The following FOCAD variants were observed in gnomAD, a reference collection of about 807,000 sequenced individuals.
FOCAD encodes the protein KIAA1797.
In FOCAD, 198 loss-of-function variants were observed where a neutral mutation model predicts 225.6. The observed-to-expected ratio is 0.88, with a 90% CI of 0.78 to 0.99. The LOEUF (loss-of-function observed/expected upper bound fraction) is 0.99, where lower values mean the gene tolerates loss of function less well. FOCAD is among the 50% of genes least tolerant of loss of function. The probability of loss-of-function intolerance (pLI) is 0.00; values close to 1 mark genes in which losing one functional copy is unlikely to be tolerated. For synonymous variants in FOCAD, 897 were observed against 755.0 expected (o/e 1.19, Z -3.08); for missense variants, 2,713 against 2,123.6 (o/e 1.28, Z -5.46).
chr9:20,703,516 A>T (rs1824141669), intron 1 of FOCAD, among the ~76,000 whole-genome samples: 1 of 152,134 alleles, frequency 6.6e-6, no homozygotes, highest in African/African-American at 2.4e-5. Context: ...TATTGTGAAT[A>T]GTGCTGCATT....
chr9:20,834,474 A>G (rs1030179690), intron 15 of FOCAD, among the ~76,000 whole-genome samples: 1 of 152,026 alleles, frequency 6.6e-6, no homozygotes, highest in Non-Finnish European at 1.5e-5. Context: ...AAAGAAAACA[A>G]CTCGAATAAC....
At chr9:20,882,706 T>A (rs543184571) in intron 20 of FOCAD, among the ~76,000 whole-genome samples, 2 of 152,192 alleles carry the variant, frequency 1.3e-5, no homozygotes, top group Non-Finnish European at 2.9e-5. Flanking sequence ...CCAGCAGACA[T>A]CTTGGCAATC....
At chr9:20,694,893 A>G (rs1823230194) in intron 1 of FOCAD, among the ~76,000 whole-genome samples, 1 of 152,218 alleles carries the variant, frequency 6.6e-6, no homozygotes, top group South Asian at 2.1e-4. Flanking sequence ...AGTTGGGCCA[A>G]GATTGTCTTA....
chr9:20,916,782 G>A (rs1833900769), intron 23 of FOCAD, 111 bp from the exon 24 acceptor site: 1 of 948,300 alleles, frequency 1.1e-6, no homozygotes, highest in Non-Finnish European at 1.6e-6. Context: ...TACCTGTATA[G>A]TTTTAAGATC....
At chr9:20,897,741 CTAT>C (rs1318164779) in intron 21 of FOCAD, among the ~76,000 whole-genome samples, 3 of 151,614 alleles carry the variant, frequency 2.0e-5, no homozygotes, top group African/African-American at 7.3e-5. Context: ...TACATGACTA[CTAT>C]TATTATTTTT....
At chr9:20,861,206 G>C (rs1013281734) in intron 15 of FOCAD, among the ~76,000 whole-genome samples, 1 of 152,082 alleles carries the variant, frequency 6.6e-6, no homozygotes, top group African/African-American at 2.4e-5. Flanking sequence ...ATAATTTAGA[G>C]TGATGTATCT....
At chr9:20,747,274 A>T (rs887220502) in intron 5 of FOCAD, among the ~76,000 whole-genome samples, 7 of 152,170 alleles carry the variant, frequency 4.6e-5, no homozygotes, top group African/African-American at 1.7e-4. Flanking sequence ...AAGGATATTA[A>T]GGAGATATAT....
chr9:20,857,798 T>A (rs1828347709), intron 15 of FOCAD, among the ~76,000 whole-genome samples: 1 of 149,204 alleles, frequency 6.7e-6, no homozygotes. Context: ...TTTTTTTTTA[T>A]CATGAAGTGA....
Position 20,976,552 on chromosome 9 carries a change from A to C in FOCAD, c.4261+4A>C. 6.2e-7 allele frequency: 1 copy of C among 1,612,372 alleles called. No homozygotes were observed. The highest frequency in any genetic ancestry group is 2.2e-5 in the East Asian group (1 of 44,830). On this transcript the variant is annotated splice_donor_region_variant and intron_variant, in intron 36 of 43. Coordinates refer to ENST00000338382, the MANE Select transcript of FOCAD (RefSeq NM_001375567.1). ...CCACTTATGAGGCTAAATTTTGGTA[A>C]ATATCATGTGTTTTTAAGTCTTCAG...
chr9:20,881,557 T>C (rs528508403), intron 19 of FOCAD, among the ~76,000 whole-genome samples: 2 of 152,186 alleles, frequency 1.3e-5, no homozygotes, highest in East Asian at 1.9e-4. Flanking sequence ...AGATAATAAG[T>C]AGATAAATAG....
chr9:20,961,735 A>G (rs781133057), intron 35 of FOCAD, among the ~76,000 whole-genome samples: 12 of 152,232 alleles, frequency 7.9e-5, no homozygotes, highest in Non-Finnish European at 1.2e-4. Flanking sequence ...CATTTGCCCA[A>G]TCCTCCTGGA....
chr9:20,772,849 A>G (rs1407426431), intron 8 of FOCAD, among the ~76,000 whole-genome samples: 6 of 151,928 alleles, frequency 3.9e-5, no homozygotes, highest in Non-Finnish European at 7.4e-5. Flanking sequence ...GGGACTCTAA[A>G]TAACATGTTT....
rs150291489 is a variant in FOCAD at position 20,911,790 on chromosome 9, A to G, written c.2719-1076A>G. Among the ~76,000 whole-genome samples, 213 of 152,266 alleles carry G rather than the reference A, an allele frequency of 1.4e-3. No individual in the cohort carries two copies. The Middle Eastern group carries it at 0.017, about 12-fold the overall frequency. On this transcript the variant is annotated intron_variant, in intron 22 of 43. Transcript: ENST00000338382. ...CTGAGCCCATGTCCTTAACTCTTCA[A>G]TGTGTATCACTTTTCTAAGTATGGA...
rs918145671 is a variant in FOCAD at position 20,789,391 on chromosome 9, G to A, written c.1238G>A (p.Gly413Asp). ...GTGTGCCCTGTAACCAGTATGTATG[G>A]TACAATATTTACAGCCTGGAGGATT... ...KLVCPVTSMY[G>D]TIFTAWRILE... Residue 413 changes from glycine (G) to aspartate (D), a missense_variant, in exon 11 of 44, where the codon GGT becomes GAT. Transcript: ENST00000338382. The A allele has an allele frequency of 1.2e-6, 2 of 1,613,878 alleles. No homozygotes were observed. The highest frequency in any genetic ancestry group is 1.1e-5 in the South Asian group (1 of 91,070).
chr9:20,894,040 C>T (rs1045497842), intron 21 of FOCAD, among the ~76,000 whole-genome samples: 1 of 152,132 alleles, frequency 6.6e-6, no homozygotes, highest in Non-Finnish European at 1.5e-5. Context: ...TTCATCCCTT[C>T]CTTCTCTCTA....
chr9:20,964,145 C>T (rs1203076450), intron 35 of FOCAD, among the ~76,000 whole-genome samples: 1 of 151,898 alleles, frequency 6.6e-6, no homozygotes, highest in Non-Finnish European at 1.5e-5. Context: ...GCAGGTAGAT[C>T]GCCTAAGGTC....
At chr9:20,655,646 G>C (rs981492619), upstream of FOCAD, among the ~76,000 whole-genome samples, 1 of 152,100 alleles carries the variant, frequency 6.6e-6, no homozygotes, top group African/African-American at 2.4e-5. Context: ...TTTTTATTGT[G>C]TCTATTAAAT....
At chr9:20,948,465 T>A (rs1837392706) in intron 31 of FOCAD, 72 bp downstream of exon 31, 2 of 1,522,136 alleles carry the variant, frequency 1.3e-6, no homozygotes, top group East Asian at 2.3e-5. Context: ...GGATCATTTA[T>A]AGGAGTTGCT....
At chr9:20,854,819 T>C (rs1828006775) in intron 15 of FOCAD, among the ~76,000 whole-genome samples, 1 of 151,764 alleles carries the variant, frequency 6.6e-6, no homozygotes, top group Non-Finnish European at 1.5e-5. Flanking sequence ...TCCCTCATGA[T>C]TGATTGATTG....
Sources: allele counts gnomAD v4.1 joint callset (sites outside exome capture counted in the v4.1 genomes callset), GRCh38; gene constraint gnomAD v4.1.1; transcripts MANE v1.5; gene names NCBI Gene and HGNC (gene_info 2026-07-23, HGNC 2026-07-21).